Variants in NKAIN2 observed in about 807,000 individuals in gnomAD.
The protein encoded by NKAIN2 is sodium/potassium-transporting ATPase subunit beta-1-interacting protein 2.
A neutral mutation model predicts 32.6 loss-of-function variants in NKAIN2; 14 were observed. The ratio of observed to expected loss-of-function variants is 0.43; its 90% CI spans 0.28 to 0.67. The LOEUF (loss-of-function observed/expected upper bound fraction) is 0.67, where lower values mean the gene tolerates loss of function less well. Ranked by LOEUF, NKAIN2 falls within the 30% of genes least tolerant of loss-of-function variation. The probability of loss-of-function intolerance (pLI) is 0.17; values close to 1 mark genes in which losing one functional copy is unlikely to be tolerated. For synonymous variants in NKAIN2, 80 were observed against 87.2 expected (o/e 0.92, Z 0.46); for missense variants, 198 against 258.3 (o/e 0.77, Z 1.60).
At chr6:124,815,217 T>TATATACAC (rs1781091496) in intron 5 of NKAIN2, among the ~76,000 whole-genome samples, 3 of 102,386 alleles carry the variant, frequency 2.9e-5, no homozygotes, top group Middle Eastern at 9.3e-3. Context: ...TCTTAAACTA[T>TATATACAC]ATATATACAT....
chr6:123,909,379 A>G (rs1486466318), intron 1 of NKAIN2, among the ~76,000 whole-genome samples: 1 of 152,116 alleles, frequency 6.6e-6, no homozygotes, highest in Non-Finnish European at 1.5e-5. Context: ...GGTGTGTGGA[A>G]TGATTCTGGG....
intron 2 of NKAIN2, among the ~76,000 whole-genome samples, chr6:124,314,598 T>C (rs190885402): frequency 6.6e-6 from 1 of 152,246 alleles, no homozygotes; most frequent in Non-Finnish European, 1.5e-5. Flanking sequence ...TTCAGAGTTG[T>C]GCCAAATTGA....
At chr6:124,058,284 G>T (rs945207221) in intron 1 of NKAIN2, among the ~76,000 whole-genome samples, 3 of 148,608 alleles carry the variant, frequency 2.0e-5, no homozygotes, top group African/African-American at 7.4e-5. Flanking sequence ...TATAGAAAAA[G>T]CAAGAGGGAG....
At chr6:124,002,248 A>T (rs572300762) in intron 1 of NKAIN2, among the ~76,000 whole-genome samples, 4 of 152,120 alleles carry the variant, frequency 2.6e-5, no homozygotes, top group Non-Finnish European at 5.9e-5. Flanking sequence ...ATTATCAGAC[A>T]TTCTCAGATA....
intron 3 of NKAIN2, among the ~76,000 whole-genome samples, chr6:124,508,564 C>T (rs1265482087): frequency 6.6e-6 from 1 of 151,950 alleles, no homozygotes; most frequent in African/African-American, 2.4e-5. Context: ...AGAATGGTCT[C>T]GATCTCTTGA....
At chr6:124,366,501 A>G (rs986852027) in intron 3 of NKAIN2, among the ~76,000 whole-genome samples, 1 of 152,140 alleles carries the variant, frequency 6.6e-6, no homozygotes, top group Non-Finnish European at 1.5e-5. Flanking sequence ...AATTCTTAAA[A>G]ATGTTTAGGA....
chr6:124,459,164 G>A (rs775977914), intron 3 of NKAIN2, among the ~76,000 whole-genome samples: 1 of 151,800 alleles, frequency 6.6e-6, no homozygotes, highest in African/African-American at 2.4e-5. Context: ...GCAAAGAGAG[G>A]AGGAGTCCCC....
chr6:124,769,958 G>A (rs1778677011), intron 4 of NKAIN2, among the ~76,000 whole-genome samples: 1 of 152,050 alleles, frequency 6.6e-6, no homozygotes, highest in South Asian at 2.1e-4. Context: ...ACCTTCTTCT[G>A]GAAATTCAAG....
chr6:124,369,007 T>G (rs1225420179), intron 3 of NKAIN2, among the ~76,000 whole-genome samples: 3 of 152,200 alleles, frequency 2.0e-5, no homozygotes, highest in Admixed American at 6.5e-5. Flanking sequence ...AAAACAATGC[T>G]AATTCTCTTT....
intron 1 of NKAIN2, among the ~76,000 whole-genome samples, chr6:124,140,631 C>G (rs1242911912): frequency 6.6e-6 from 1 of 152,130 alleles, no homozygotes; most frequent in Non-Finnish European, 1.5e-5. Flanking sequence ...AATCTTAATT[C>G]ACTGACTTCT....
At chr6:124,027,839 T>A (rs1041909734) in intron 1 of NKAIN2, among the ~76,000 whole-genome samples, 1 of 152,190 alleles carries the variant, frequency 6.6e-6, no homozygotes, top group Non-Finnish European at 1.5e-5. Context: ...ATATCCATTC[T>A]TTGCACTTCA....
chr6:124,620,485 A>G (rs1783066379), intron 3 of NKAIN2, among the ~76,000 whole-genome samples: 1 of 152,196 alleles, frequency 6.6e-6, no homozygotes, highest in Admixed American at 6.5e-5. Context: ...AACTTCAACC[A>G]TATGCTAACT....
chr6:124,138,593 C>T (rs1786957228), intron 1 of NKAIN2, among the ~76,000 whole-genome samples: 1 of 145,738 alleles, frequency 6.9e-6, no homozygotes, highest in Admixed American at 6.8e-5. Flanking sequence ...AACCTAAAAG[C>T]CCATCAACCA....
At chr6:124,542,167 A>G (rs1277745617) in intron 3 of NKAIN2, among the ~76,000 whole-genome samples, 3 of 152,194 alleles carry the variant, frequency 2.0e-5, no homozygotes, top group African/African-American at 7.2e-5. Context: ...TTTATTATCT[A>G]TATTTTTATA....
intron 3 of NKAIN2, among the ~76,000 whole-genome samples, chr6:124,574,690 C>T (rs551308483): frequency 1.5e-4 from 23 of 152,256 alleles, no homozygotes; most frequent in Non-Finnish European, 4.4e-5. Context: ...CTATGGACTT[C>T]AGAGTCTGAC....
chr6:124,117,551 T>C (rs958368857), intron 1 of NKAIN2, among the ~76,000 whole-genome samples: 1 of 152,152 alleles, frequency 6.6e-6, no homozygotes, highest in Non-Finnish European at 1.5e-5. Flanking sequence ...CATTAAGGCA[T>C]ATACTCTGTC....
intron 2 of NKAIN2, among the ~76,000 whole-genome samples, chr6:124,343,445 C>CAACTGTGT (rs1210762085): frequency 1.3e-5 from 2 of 151,278 alleles, no homozygotes; most frequent in Non-Finnish European, 2.9e-5. Flanking sequence ...ACAGTCCCAC[C>CAACTGTGT]AACTGTGTAA....
chr6:124,169,393 T>C (rs1241203763), intron 1 of NKAIN2, among the ~76,000 whole-genome samples: 1 of 152,178 alleles, frequency 6.6e-6, no homozygotes, highest in South Asian at 2.1e-4. Context: ...TATTGCTCAT[T>C]AAGTATTAAA....
intron 1 of NKAIN2, among the ~76,000 whole-genome samples, chr6:124,158,101 C>G (rs1249399444): frequency 1.3e-5 from 2 of 152,148 alleles, no homozygotes; most frequent in Non-Finnish European, 2.9e-5. Flanking sequence ...GGTTGAGTGG[C>G]TTAAACAACA....
Sources: gnomAD v4.1 joint callset for allele counts (sites outside exome capture counted in the v4.1 genomes callset) on GRCh38, gnomAD v4.1.1 for gene constraint, MANE v1.5 for transcripts, NCBI Gene and HGNC (gene_info 2026-07-23, HGNC 2026-07-21) for gene names.